Variants in ACBD6 observed in about 807,000 individuals in gnomAD.
The protein encoded by ACBD6 is acyl-CoA binding domain containing 6, also known as acyl-CoA-binding domain-containing protein 6.
Under a neutral mutation model 37.2 loss-of-function variants are expected in ACBD6, and 28 were observed. That is an observed-to-expected ratio of 0.75 (90% confidence interval 0.56 to 1.03). The LOEUF (loss-of-function observed/expected upper bound fraction) is 1.03, where lower values mean the gene tolerates loss of function less well. Ranked by LOEUF, ACBD6 falls within the 50% of genes least tolerant of loss-of-function variation. The pLI is 0.00. For synonymous variants in ACBD6, 113 were observed against 126.8 expected, an observed-to-expected ratio of 0.89 and a Z score of 0.73; for missense variants, 340 against 337.4, an observed-to-expected ratio of 1.01 and a Z score of -0.06.
At chr1:180,379,105 C>T (rs910843713) in intron 6 of ACBD6, among the ~76,000 whole-genome samples, 1 of 152,164 alleles carries the variant, frequency 6.6e-6, no homozygotes, top group Non-Finnish European at 1.5e-5. Flanking sequence ...AAAAACTTCA[C>T]TAACAACTGT....
intron 6 of ACBD6, among the ~76,000 whole-genome samples, chr1:180,355,447 C>T (rs574273230): frequency 2.6e-5 from 4 of 152,112 alleles, no homozygotes; most frequent in Non-Finnish European, 5.9e-5. Flanking sequence ...ACTGACTTTT[C>T]TTTTTCTTTA....
chr1:180,293,570 G>A (rs1042700759), intron 7 of ACBD6, among the ~76,000 whole-genome samples: 1 of 151,998 alleles, frequency 6.6e-6, no homozygotes, highest in African/African-American at 2.4e-5. Flanking sequence ...ACCTCTCAAA[G>A]TGCTAGGATT....
At chr1:180,327,459 A>T (rs1409552959) in intron 6 of ACBD6, among the ~76,000 whole-genome samples, 1 of 152,152 alleles carries the variant, frequency 6.6e-6, no homozygotes, top group African/African-American at 2.4e-5. Flanking sequence ...TCTTTTAATA[A>T]TATGAAGTTA....
Position 180,379,907 on chromosome 1 carries a change from T to C in ACBD6, c.663+17609A>G, listed in dbSNP as rs182847996. On this transcript the variant is annotated intron_variant, in intron 6 of 7. Coordinates refer to ENST00000367595, the MANE Select transcript of ACBD6 (RefSeq NM_032360.4). ...CATCCAGATATAGGAAGCTCAAAGA[T>C]CCCCAAATAGAAACAATGTAAAAAT... is the stretch of plus-strand genomic sequence containing the variant. 4.9e-4 allele frequency among the ~76,000 whole-genome samples: 75 copies of C among 152,162 alleles called. No individual in the cohort carries two copies. In the East Asian group the frequency reaches 0.012, roughly 23 times the overall value.
At chr1:180,342,723 C>G (rs990096667) in intron 6 of ACBD6, among the ~76,000 whole-genome samples, 1 of 151,950 alleles carries the variant, frequency 6.6e-6, no homozygotes, top group African/African-American at 2.4e-5. Context: ...TGAGTATAAG[C>G]CCAAACATTT....
In ACBD6 at chr1:180,288,368, C is replaced by G. The variant is rs781048784; in HGVS notation, c.844G>C (p.Ala282Pro). ...LVLQRHTTGKA is the reference protein window; with the variant it reads ...LVLQRHTTGKP ...GCAGTTTTCCAGTCTTTTGATTAAGCCTTGCCAGTTGTGTGCCGCTGCAGC... is the reference window on the plus strand; with the variant it reads ...GCAGTTTTCCAGTCTTTTGATTAAGGCTTGCCAGTTGTGTGCCGCTGCAGC... Residue 282 changes from alanine (A) to proline (P), a missense_variant, in exon 8 of 8, where the codon GCT becomes CCT. Physicochemically the swap from Ala to Pro is conservative, Grantham distance 27 (BLOSUM62 -1). Transcript: ENST00000367595. 6 of 1,613,654 alleles carry G rather than the reference C, an allele frequency of 3.7e-6. No individual in the cohort carries two copies. Among genetic ancestry groups the G allele is most frequent in the Non-Finnish European group, 4.2e-6 (5 of 1,179,980 alleles).
chr1:180,426,450 T>C (rs1265797360), intron 4 of ACBD6, among the ~76,000 whole-genome samples: 1 of 152,188 alleles, frequency 6.6e-6, no homozygotes, highest in Non-Finnish European at 1.5e-5. Context: ...CCCCTATGCT[T>C]ATTGACCAGT....
At chr1:180,393,208 A>G (rs973298726) in intron 6 of ACBD6, among the ~76,000 whole-genome samples, 1 of 152,248 alleles carries the variant, frequency 6.6e-6, no homozygotes, top group Non-Finnish European at 1.5e-5. Flanking sequence ...AACTGTATCC[A>G]TAATACTGTC....
intron 3 of ACBD6, among the ~76,000 whole-genome samples, chr1:180,431,521 T>C (rs752647853): frequency 3.3e-5 from 5 of 152,092 alleles, no homozygotes; most frequent in African/African-American, 7.2e-5. Context: ...TATTTCTTTA[T>C]ACCAAAAAAA....
intron 3 of ACBD6, among the ~76,000 whole-genome samples, chr1:180,445,396 A>AC (rs1264898901): frequency 6.6e-6 from 1 of 152,236 alleles, no homozygotes; most frequent in East Asian, 1.9e-4. Flanking sequence ...TAAGAAAAAG[A>AC]GATAGAAAAC....
intron 3 of ACBD6, among the ~76,000 whole-genome samples, chr1:180,442,915 T>C: frequency 6.6e-6 from 1 of 152,220 alleles, no homozygotes; most frequent in East Asian, 1.9e-4. Context: ...CATGTCCTTG[T>C]CTGTTATTTT....
intron 11 of ACBD6, chr1:180,273,527 ATTCT>A (rs1648819426): frequency 6.6e-6 from 1 of 152,576 alleles, no homozygotes; most frequent in South Asian, 2.1e-4. Context: ...GGAGAGAGAA[ATTCT>A]TTCAAGTGGC....
At chr1:180,334,523 T>C (rs1341555913) in intron 6 of ACBD6, among the ~76,000 whole-genome samples, 1 of 151,812 alleles carries the variant, frequency 6.6e-6, no homozygotes, top group Non-Finnish European at 1.5e-5. Flanking sequence ...GTCACCATCA[T>C]CAAAGATCAA....
chr1:180,481,290 C>A (rs1245644974), intron 3 of ACBD6, among the ~76,000 whole-genome samples: 1 of 150,846 alleles, frequency 6.6e-6, no homozygotes, highest in African/African-American at 2.4e-5. Context: ...AATCCCTGAT[C>A]AGGATCACAG....
intron 7 of ACBD6, among the ~76,000 whole-genome samples, chr1:180,290,461 A>C (rs906816555): frequency 6.6e-6 from 1 of 152,182 alleles, no homozygotes; most frequent in Non-Finnish European, 1.5e-5. Flanking sequence ...ACAGGCATAC[A>C]CCACTGCACC....
intron 3 of ACBD6, among the ~76,000 whole-genome samples, chr1:180,441,161 T>C (rs980113500): frequency 2.6e-5 from 4 of 152,170 alleles, no homozygotes; most frequent in Admixed American, 2.6e-4. Context: ...TTAGCAGCAA[T>C]CTAAGACAGT....
At chr1:180,454,746 G>A (rs913623644) in intron 3 of ACBD6, among the ~76,000 whole-genome samples, 5 of 152,100 alleles carry the variant, frequency 3.3e-5, no homozygotes, top group South Asian at 4.1e-4. Flanking sequence ...AGACATTTAC[G>A]CAGCCAACAA....
rs958771911 is a variant in ACBD6, at chr1:180,502,116, C to T, written c.151G>A (p.Ala51Thr). The T allele has an allele frequency of 5.0e-6, 8 of 1,613,772 alleles. No individual in the cohort carries two copies. The highest frequency in any genetic ancestry group is 1.6e-4 in the Middle Eastern group (1 of 6,084). Reference protein sequence around the residue: ...CLAELFEKAAAHLQGLIQVAS... With the variant: ...CLAELFEKAATHLQGLIQVAS... Reference sequence around the variant, plus strand: ...ACCTGAATCAGGCCTTGCAGGTGCGCGGCAGCCTTCTCAAACAGCTCGGCC... The same window carrying T: ...ACCTGAATCAGGCCTTGCAGGTGCGTGGCAGCCTTCTCAAACAGCTCGGCC... The change falls in exon 1 of 8, where the codon GCG becomes ACG. Residue 51 changes from alanine (A) to threonine (T), a missense_variant. Transcript: ENST00000367595.
chr1:180,354,982 TTAA>T lies in ACBD6; in HGVS notation c.664-40263_664-40261del, dbSNP rs201848301. Reference sequence around the variant, plus strand: ...CAAAGATGCAGTATTCCAGGTGGCTTTAATAATACCTTATTTTGTATACCTTTC... The same window carrying T: ...CAAAGATGCAGTATTCCAGGTGGCTTTAATACCTTATTTTGTATACCTTTC... On this transcript the variant is annotated intron_variant, in intron 6 of 7. Transcript: ENST00000367595. 3.5e-4 allele frequency among the ~76,000 whole-genome samples: 54 copies of T among 152,356 alleles called. 1 individual carries two copies. The East Asian group carries it at 0.01, about 29-fold the overall frequency.
Sources: gnomAD v4.1 joint callset for allele counts (sites outside exome capture counted in the v4.1 genomes callset) on GRCh38, gnomAD v4.1.1 for gene constraint, MANE v1.5 for transcripts, NCBI Gene and HGNC (gene_info 2026-07-23, HGNC 2026-07-21) for gene names.